FBRSL1: variants seen among roughly 807,000 people sequenced by gnomAD.
FBRSL1 encodes the protein fibrosin-1-like protein.
FBRSL1 carries 51 observed loss-of-function variants against 89.6 expected under a neutral mutation model. The observed-to-expected ratio is 0.57, with a 90% CI of 0.45 to 0.72. FBRSL1 has a LOEUF of 0.72. Among genes scored for constraint, FBRSL1 ranks in the 30% least tolerant of loss-of-function variants. The probability of loss-of-function intolerance (pLI) is 0.00; values close to 1 mark genes in which losing one functional copy is unlikely to be tolerated. For synonymous variants in FBRSL1, 779 were observed against 681.1 expected (o/e 1.14, Z -2.24); for missense variants, 1,618 against 1,451.8 (o/e 1.11, Z -1.86).
rs2034208409 is a variant in FBRSL1 at position 132,510,468 on chromosome 12, A to G, written c.489+2118A>G. On this transcript the variant is annotated intron_variant, in intron 2 of 18. Coordinates refer to ENST00000680143, the MANE Select transcript of FBRSL1 (RefSeq NM_001367871.1). ...CTGATGCCTGCAGGCACCTCCCCAT[A>G]TGGGTTTTCCAGCCCACTCCAGTGT... is the stretch of plus-strand genomic sequence containing the variant. 12 of 1,231,558 alleles carry G rather than the reference A, an allele frequency of 9.7e-6. 1 individual carries two copies. In the Admixed American group the frequency reaches 3.4e-4, roughly 35 times the overall value. The allele number at this position is 1,231,558 out of a possible 1,614,324, so 76.3% of individuals were successfully genotyped here. A position where few individuals can be genotyped will look rare whatever the true frequency, so the allele number is the denominator to read the frequency against.
At chr12:132,564,708 GATGGT>G (rs2039456834) in intron 5 of FBRSL1, among the ~76,000 whole-genome samples, 1 of 86,048 alleles carries the variant, frequency 1.2e-5, no homozygotes, top group Non-Finnish European at 2.0e-5. Context: ...TGTTAGCCAG[GATGGT>G]CTCGATCTCC....
chr12:132,506,219 G>C (rs1049676563), intron 1 of FBRSL1, among the ~76,000 whole-genome samples: 6 of 152,282 alleles, frequency 3.9e-5, no homozygotes, highest in South Asian at 2.1e-4. Flanking sequence ...GAGCTGGAGG[G>C]TGGGTCTGTG....
intron 4 of FBRSL1, among the ~76,000 whole-genome samples, chr12:132,536,622 A>T (rs2036772146): frequency 6.8e-6 from 1 of 147,942 alleles, no homozygotes; most frequent in Non-Finnish European, 1.5e-5. Context: ...GTGTGAGTGC[A>T]TTGTACATGA....
rs1221671881 is a variant in FBRSL1, at chr12:132,583,249, C to T, written c.2480C>T (p.Pro827Leu). 4 of 1,351,778 alleles carry T rather than the reference C, an allele frequency of 3.0e-6. No individual in the cohort carries two copies. The highest frequency in any genetic ancestry group is 1.6e-5 in the South Asian group (1 of 63,084). 83.7% of individuals were successfully genotyped at this position (1,351,778 alleles called of 1,614,324 possible). A position where few individuals can be genotyped will look rare whatever the true frequency, so the allele number is the denominator to read the frequency against. Residue 827 changes from proline (P) to leucine (L), a missense_variant, in exon 19 of 19, where the codon CCG becomes CTG. Coordinates refer to ENST00000680143, the MANE Select transcript of FBRSL1 (RefSeq NM_001367871.1). The stretch of plus-strand genomic sequence containing the variant: ...GGGGAGGACGAGGCCTCCGAGCCCC[C>T]GGCGGGCGGCCTGCACCCCGCGCCC... ...ERGEDEASEP[P>L]AGGLHPAPLQ... is the part of the protein sequence containing the mutation.
intron 1 of FBRSL1, chr12:132,507,380 A>T: frequency 4.1e-6 from 4 of 985,466 alleles, no homozygotes; most frequent in Non-Finnish European, 4.8e-6. Flanking sequence ...CTGAGCCAGC[A>T]TACAGAAGGT....
chr12:132,527,677 TGTGGG>T (rs1443540509), intron 3 of FBRSL1, among the ~76,000 whole-genome samples: 31 of 133,668 alleles, frequency 2.3e-4, no homozygotes, highest in Non-Finnish European at 4.2e-4. Flanking sequence ...GCTGCGGGGC[TGTGGG>T]GCAGGGTTGT....
chr12:132,491,399 G>A (rs1460773589), intron 1 of FBRSL1, among the ~76,000 whole-genome samples: 1 of 152,220 alleles, frequency 6.6e-6, no homozygotes, highest in Non-Finnish European at 1.5e-5. Flanking sequence ...CTGGCTGACG[G>A]ACAGTATTTG....
intron 5 of FBRSL1, among the ~76,000 whole-genome samples, chr12:132,559,735 G>C (rs914716321): frequency 3.9e-5 from 6 of 152,178 alleles, no homozygotes; most frequent in Non-Finnish European, 8.8e-5. Context: ...TTCTGGGAGC[G>C]GGGTGGCAGG....
In FBRSL1 at chr12:132,546,294, A is replaced by G. The variant is rs1057221653; in HGVS notation, c.616-1709A>G. Among the ~76,000 whole-genome samples the G allele has an allele frequency of 1.3e-5, 2 of 152,234 alleles. No individual in the cohort carries two copies. Among genetic ancestry groups the G allele is most frequent in the Non-Finnish European group, 2.9e-5 (2 of 68,032 alleles). Reference sequence around the variant, plus strand: ...AGGGCCACCAGCAAAGCTGGTCTGCATGTCGGGGTCCTGTGGCCCAGCCCT... The same window carrying G: ...AGGGCCACCAGCAAAGCTGGTCTGCGTGTCGGGGTCCTGTGGCCCAGCCCT... On this transcript the variant is annotated intron_variant, in intron 4 of 18. Transcript: ENST00000680143. The surrounding 1 kb of genome is among the most constrained non-coding windows in gnomAD (Gnocchi z 4.0).
chr12:132,572,444 G>T (rs1036013137), intron 10 of FBRSL1, 83 bp from the exon 11 acceptor site: 1 of 1,501,406 alleles, frequency 6.7e-7, no homozygotes, highest in Non-Finnish European at 9.1e-7. Flanking sequence ...CGCCCCTGCT[G>T]CATTGGTGCC....
chr12:132,521,015 T>C (rs543601108), intron 2 of FBRSL1, among the ~76,000 whole-genome samples: 243 of 152,310 alleles, frequency 1.6e-3, no homozygotes, highest in African/African-American at 5.7e-3. Context: ...TGCCCTGCCC[T>C]GCCCTGAGCC....
chr12:132,581,692 C>A, intron 16 of FBRSL1, 49 bp from the exon 17 acceptor site: 1 of 1,532,918 alleles, frequency 6.5e-7, no homozygotes, highest in Non-Finnish European at 8.8e-7. Context: ...CAGGTGGGAG[C>A]CGCAGCCCAC....
In FBRSL1 at chr12:132,499,135, C is replaced by T. The variant is rs759205848; in HGVS notation, c.291+8274C>T. Among the ~76,000 whole-genome samples the T allele has an allele frequency of 4.6e-5, 7 of 152,236 alleles. No homozygotes were observed. Among genetic ancestry groups the T allele is most frequent in the Non-Finnish European group, 7.3e-5 (5 of 68,036 alleles). On this transcript the variant is annotated intron_variant, in intron 1 of 18. Transcript: ENST00000680143. This position sits in a 1 kb window ranked among gnomAD's most constrained non-coding sequence, Gnocchi z 4.3. ...GTGGGCCTCATCCGGCCTCGGCAGCCGCCCCGCCCATTCCAGATCTCTGCT... is the reference window on the plus strand; with the variant it reads ...GTGGGCCTCATCCGGCCTCGGCAGCTGCCCCGCCCATTCCAGATCTCTGCT...
At chr12:132,531,983 A>G (rs1044658993) in intron 4 of FBRSL1, among the ~76,000 whole-genome samples, 4 of 152,164 alleles carry the variant, frequency 2.6e-5, no homozygotes, top group African/African-American at 9.7e-5. Flanking sequence ...AGTTGCTTCC[A>G]CCCAAGGATG....
At chr12:132,567,635 A>C in intron 6 of FBRSL1, 109 bp downstream of exon 6, 1 of 1,180,282 alleles carries the variant, frequency 8.5e-7, no homozygotes, top group Non-Finnish European at 1.2e-6. Context: ...TGGTCTTGGC[A>C]CCTGGGGTGC....
In FBRSL1 at chr12:132,550,411, G is replaced by T. The variant is rs2038058255; in HGVS notation, c.645+2379G>T. Among the ~76,000 whole-genome samples the T allele has an allele frequency of 2.0e-5, 3 of 152,200 alleles. No homozygotes were observed. The South Asian group carries it at 6.2e-4, about 31-fold the overall frequency. On this transcript the variant is annotated intron_variant, in intron 5 of 18. Transcript: ENST00000680143. ...CAAGGTCTGAGCGCCGGCGCACAAA[G>T]CGGGGGCACGGTGCTGGCAGAGTGG...
intron 1 of FBRSL1, among the ~76,000 whole-genome samples, chr12:132,505,923 A>T (rs2033632011): frequency 6.6e-6 from 1 of 152,188 alleles, no homozygotes; most frequent in Non-Finnish European, 1.5e-5. Flanking sequence ...GCCCTCCCAG[A>T]GCTTCCTGGG....
At chr12:132,574,218 G>T (rs2040234061) in intron 12 of FBRSL1, 60 bp downstream of exon 12, 15 of 1,440,024 alleles carry the variant, frequency 1.0e-5, no homozygotes, top group Non-Finnish European at 1.4e-5. Context: ...GCCGGGCCCT[G>T]TGCGGGCTGG....
At position 132,572,509 on chromosome 12, in the gene FBRSL1, G is replaced by A. The variant is rs191131759; in HGVS notation, c.1435-18G>A. 33 of 1,542,250 alleles carry A rather than the reference G, an allele frequency of 2.1e-5. No homozygotes were observed. The highest frequency in any genetic ancestry group is 6.0e-5 in the South Asian group (5 of 83,892). On this transcript the variant is annotated intron_variant, in intron 10 of 18. Transcript: ENST00000680143. ...GAGGACTTGGGCCCCCCCTCCATCC[G>A]CTCTCCTTCTCTTACAGTTCTTCCC...
Sources: gnomAD v4.1 joint callset for allele counts (sites outside exome capture counted in the v4.1 genomes callset) on GRCh38, gnomAD v4.1.1 for gene constraint, Gnocchi (gnomAD v3.1) non-coding constraint, MANE v1.5 for transcripts, NCBI Gene and HGNC (gene_info 2026-07-23, HGNC 2026-07-21) for gene names.